The following CPSF7 variants were observed in gnomAD, a reference collection of about 807,000 sequenced individuals.
The protein encoded by CPSF7 is cleavage and polyadenylation specific factor 7.
CPSF7 carries 1 observed loss-of-function variant against 44.3 expected under a neutral mutation model. The ratio of observed to expected loss-of-function variants is 0.02; its 90% CI spans 0.01 to 0.11. The LOEUF (loss-of-function observed/expected upper bound fraction) is 0.11. Among genes scored for constraint, CPSF7 ranks in the 10% least tolerant of loss-of-function variants. CPSF7 has a pLI of 1.00. For missense variants in CPSF7, 443 were observed against 607.2 expected (o/e 0.73, Z 2.84); for synonymous variants, 202 against 222.0 (o/e 0.91, Z 0.80).
Position 61,429,293 on chromosome 11 carries a change from G to A in CPSF7, c.-55-3C>T. 6.3e-7 allele frequency: 1 copy of A among 1,586,320 alleles called. No homozygotes were observed. Among genetic ancestry groups the A allele is most frequent in the Non-Finnish European group, 8.7e-7 (1 of 1,154,888 alleles). On this transcript the variant is annotated splice_region_variant and splice_polypyrimidine_tract_variant and intron_variant, in intron 1 of 9. Coordinates refer to ENST00000439958, the MANE Select transcript of CPSF7 (RefSeq NM_001142565.3). ...TGGACAAAGTAAGGAAGATGCCACT[G>A]CGGGATTCGGAAAAATGCAAGAATT... is the stretch of plus-strand genomic sequence containing the variant.
At position 61,421,360 on chromosome 11, in the gene CPSF7, C is replaced by T. The variant is rs540198721; in HGVS notation, c.273+30G>A. ...TCCCAGTGCTCTCCCTCCAGCCCAC[C>T]CCTAAGCATTTTTGGTTACCCACAC... On this transcript the variant is annotated intron_variant, in intron 3 of 9. Transcript: ENST00000439958. 11 of 1,588,680 alleles carry T rather than the reference C, an allele frequency of 6.9e-6. No individual in the cohort carries two copies. In the South Asian group the frequency reaches 1.2e-4, roughly 18 times the overall value.
chr11:61,425,749 C>T (rs954964527), intron 2 of CPSF7, among the ~76,000 whole-genome samples: 2 of 152,158 alleles, frequency 1.3e-5, no homozygotes, highest in Non-Finnish European at 2.9e-5. Flanking sequence ...TTCCACAGTT[C>T]CCACTTCACA....
At chr11:61,408,841 AAG>A (rs1411968438) in intron 9 of CPSF7, among the ~76,000 whole-genome samples, 2 of 152,202 alleles carry the variant, frequency 1.3e-5, no homozygotes, top group Non-Finnish European at 2.9e-5. Flanking sequence ...TCCATTACTT[AAG>A]AGTTTTTATC....
chr11:61,419,938 G>C lies in CPSF7; in HGVS notation c.523+11C>G, dbSNP rs1431009314. 1 of 1,612,938 alleles carries C rather than the reference G, an allele frequency of 6.2e-7. No homozygotes were observed. The highest frequency in any genetic ancestry group is 1.3e-5 in the African/African-American group (1 of 74,672). ...TCCACGTACCCCCTCTTGGGACTCG[G>C]ACACACTCACGTTTCCGAGCCTGTG... On this transcript the variant is annotated intron_variant, in intron 5 of 9. Transcript: ENST00000439958.
At position 61,408,323 on chromosome 11, in the gene CPSF7, G is replaced by C. The variant is rs565756408; in HGVS notation, c.*5+2615C>G. Among the ~76,000 whole-genome samples the C allele has an allele frequency of 5.3e-5, 8 of 152,158 alleles. No individual in the cohort carries two copies. The South Asian group carries it at 1.7e-3, about 32-fold the overall frequency. ...GGGGTTTCACCATGTTAGCCAGGAC[G>C]GTCTCAATCTCCTGACCTCGTGATC... On this transcript the variant is annotated intron_variant, in intron 9 of 9. Coordinates refer to ENST00000439958, the MANE Select transcript of CPSF7 (RefSeq NM_001142565.3).
At chr11:61,428,667 C>G (rs1049750675) in intron 2 of CPSF7, among the ~76,000 whole-genome samples, 3 of 152,202 alleles carry the variant, frequency 2.0e-5, no homozygotes, top group African/African-American at 7.2e-5. Flanking sequence ...GTGGACTTCT[C>G]ATGACTGGAG....
In CPSF7 at chr11:61,422,878, A is replaced by G. The variant is rs185799042; in HGVS notation, c.55-1270T>C. 5.0e-3 allele frequency among the ~76,000 whole-genome samples: 760 copies of G among 152,084 alleles called. 3 individuals carry two copies. The highest frequency in any genetic ancestry group is 0.021 in the South Asian group (100 of 4,806). On this transcript the variant is annotated intron_variant, in intron 2 of 9. Coordinates refer to ENST00000439958, the MANE Select transcript of CPSF7 (RefSeq NM_001142565.3). ...CTGGGTGCAGTGGCTCACGCCTTGT[A>G]TCCCAGCACTTTAGGACGCAGAGAT...
In CPSF7 at chr11:61,429,272, C is replaced by G. The variant is rs1347558874; in HGVS notation, c.-37G>C. ...GAAGATCGCGAGTCCGGAGGATGGA[C>G]AAAGTAAGGAAGATGCCACTGCGGG... is the stretch of plus-strand genomic sequence containing the variant. On this transcript the variant is annotated 5_prime_UTR_variant, in exon 2 of 10. Transcript: ENST00000439958. 6.2e-7 allele frequency: 1 copy of G among 1,611,984 alleles called. No homozygotes were observed. Among genetic ancestry groups the G allele is most frequent in the Non-Finnish European group, 8.5e-7 (1 of 1,178,274 alleles).
chr11:61,414,952 C>T (rs1410159521), intron 7 of CPSF7, among the ~76,000 whole-genome samples: 1 of 152,176 alleles, frequency 6.6e-6, no homozygotes, highest in Admixed American at 6.5e-5. Context: ...AAACCATTAT[C>T]TAGGCTGGAC....
intron 1 of CPSF7, 128 bp downstream of exon 1, chr11:61,429,785 CA>C (rs1370042190): frequency 6.5e-7 from 1 of 1,548,244 alleles, no homozygotes. Context: ...CCTCCTCCCT[CA>C]AAAGGCCCGC....
intron 7 of CPSF7, 91 bp from the exon 8 acceptor site, chr11:61,412,028 A>T: frequency 8.5e-7 from 1 of 1,178,546 alleles, no homozygotes. Context: ...ACAAACCAAG[A>T]GTAGCTAGCC....
intron 1 of CPSF7, chr11:61,429,640 C>T: frequency 4.2e-6 from 5 of 1,190,880 alleles, no homozygotes; most frequent in Non-Finnish European, 5.9e-6. Flanking sequence ...CCTGCCTAGC[C>T]CCCAAGGCGG....
At chr11:61,424,273 C>G (rs1861155548) in intron 2 of CPSF7, among the ~76,000 whole-genome samples, 1 of 152,192 alleles carries the variant, frequency 6.6e-6, no homozygotes, top group Admixed American at 6.5e-5. Flanking sequence ...TAAGTAATCA[C>G]TATAAAATAT....
At chr11:61,428,360 T>A (rs1431319316) in intron 2 of CPSF7, among the ~76,000 whole-genome samples, 3 of 152,164 alleles carry the variant, frequency 2.0e-5, no homozygotes, top group Non-Finnish European at 4.4e-5. Context: ...TGTTTTTTTT[T>A]ACATTTTTGT....
intron 2 of CPSF7, among the ~76,000 whole-genome samples, chr11:61,428,225 A>C (rs1216102252): frequency 6.6e-6 from 1 of 152,224 alleles, no homozygotes; most frequent in East Asian, 1.9e-4. Flanking sequence ...TCTGTTGCCC[A>C]GGATAGAGTG....
Position 61,429,948 on chromosome 11 carries a change from T to G in CPSF7, c.-90A>C. On this transcript the variant is annotated 5_prime_UTR_variant, in exon 1 of 10. Coordinates refer to ENST00000439958, the MANE Select transcript of CPSF7 (RefSeq NM_001142565.3). ...GGCGGCGGCGGCGGCGAGTCCGGAC[T>G]AGGCCCGAAGCGCGCGAACCGCTCT... is the stretch of plus-strand genomic sequence containing the variant. 1 of 1,387,326 alleles carries G rather than the reference T, an allele frequency of 7.2e-7. No homozygotes were observed. Among genetic ancestry groups the G allele is most frequent in the South Asian group, 1.4e-5 (1 of 73,522 alleles). The allele number at this position is 1,387,326 out of a possible 1,614,324, so 85.9% of individuals were successfully genotyped here.
chr11:61,429,800 T>G, intron 1 of CPSF7, 114 bp downstream of exon 1: 2 of 1,545,206 alleles, frequency 1.3e-6, no homozygotes, highest in South Asian at 2.4e-5. Context: ...GGCCCGCGAC[T>G]CCCTCCGCCC....
chr11:61,427,477 AC>A (rs1319229862), intron 2 of CPSF7, among the ~76,000 whole-genome samples: 1 of 151,468 alleles, frequency 6.6e-6, no homozygotes, highest in Non-Finnish European at 1.5e-5. Context: ...ACATGGTGAA[AC>A]CCCGTCTCTA....
intron 1 of CPSF7, 66 bp from the exon 2 acceptor site, chr11:61,429,356 G>T: frequency 1.0e-6 from 1 of 959,988 alleles, no homozygotes. Flanking sequence ...AGAGGGTAAT[G>T]ATTGCTAACC....
Sources: gnomAD v4.1 joint callset for allele counts (sites outside exome capture counted in the v4.1 genomes callset) on GRCh38, gnomAD v4.1.1 for gene constraint, MANE v1.5 for transcripts, NCBI Gene and HGNC (gene_info 2026-07-23, HGNC 2026-07-21) for gene names.